The following KCTD3 variants were observed in gnomAD, a reference collection of about 807,000 sequenced individuals.
The protein encoded by KCTD3 is BTB/POZ domain-containing protein KCTD3.
In KCTD3, 41 loss-of-function variants were observed where a neutral mutation model predicts 85.8. The ratio of observed to expected loss-of-function variants is 0.48; its 90% CI spans 0.37 to 0.62. The LOEUF is 0.62. KCTD3 is among the 20% of genes least tolerant of loss of function. The pLI is 0.00. For missense variants in KCTD3, 724 were observed against 989.9 expected (o/e 0.73, Z 3.60); for synonymous variants, 338 against 345.4 (o/e 0.98, Z 0.24).
intron 9 of KCTD3, among the ~76,000 whole-genome samples, chr1:215,590,404 G>A (rs1421826258): frequency 6.6e-6 from 1 of 152,274 alleles, no homozygotes; most frequent in South Asian, 2.1e-4. Flanking sequence ...GGTTGACACA[G>A]TTGAGGGAGG....
In KCTD3 at chr1:215,573,769, A is replaced by T; in HGVS notation, c.84-17A>T. 6.7e-7 allele frequency: 1 copy of T among 1,502,098 alleles called. No individual in the cohort carries two copies. Among genetic ancestry groups the T allele is most frequent in the East Asian group, 2.3e-5 (1 of 43,860 alleles). 93.0% of individuals were successfully genotyped at this position (1,502,098 alleles called of 1,614,324 possible). The stretch of plus-strand genomic sequence containing the variant: ...ATCATGTTCTCACTTATAATACCAG[A>T]TGATTTTTAATTGCAGATTTAGTAC... On this transcript the variant is annotated splice_polypyrimidine_tract_variant and intron_variant, in intron 1 of 17. Transcript: ENST00000259154.
At position 215,588,511 on chromosome 1, in the gene KCTD3, C is replaced by T. The variant is rs562232870; in HGVS notation, c.817+1826C>T. Among the ~76,000 whole-genome samples, 3 of 152,078 alleles carry T rather than the reference C, an allele frequency of 2.0e-5. No individual in the cohort carries two copies. The East Asian group carries it at 5.9e-4, about 30-fold the overall frequency. ...CAATGGTCACTAGTAAAGTTTAGTG[C>T]CACTGTCCTGGTTTGTGCTAAGTAA... is the stretch of plus-strand genomic sequence containing the variant. On this transcript the variant is annotated intron_variant, in intron 9 of 17. Coordinates refer to ENST00000259154, the MANE Select transcript of KCTD3 (RefSeq NM_016121.5).
intron 6 of KCTD3, 125 bp from the exon 7 acceptor site, chr1:215,578,875 C>A: frequency 2.0e-6 from 1 of 508,638 alleles, no homozygotes; most frequent in Non-Finnish European, 3.4e-6. Context: ...TAATAATTTG[C>A]TATATTGGAA....
In KCTD3 at chr1:215,621,478, G is replaced by T. The variant is rs949175683; in HGVS notation, c.*860G>T. On this transcript the variant is annotated 3_prime_UTR_variant, in exon 18 of 18. Coordinates refer to ENST00000259154, the MANE Select transcript of KCTD3 (RefSeq NM_016121.5). ...AATTAAAACACTAGTTTGTTCACTT[G>T]TAGGACTGCAGTTCTGAATTTTGGG... The T allele has an allele frequency of 1.3e-5, 2 of 151,992 alleles. No homozygotes were observed. The highest frequency in any genetic ancestry group is 1.3e-4 in the Admixed American group (2 of 15,226). 9.4% of individuals were successfully genotyped at this position (151,992 alleles called of 1,614,324 possible).
At position 215,592,998 on chromosome 1, in the gene KCTD3, T is replaced by C. The variant is rs1301033264; in HGVS notation, c.818-2358T>C. On this transcript the variant is annotated intron_variant, in intron 9 of 17. Transcript: ENST00000259154. ...TCTTTGTTGATTTCCTAGAACCTCA[T>C]CCTCCTCTGGAGTAATCGATGTTAG... 2.0e-5 allele frequency among the ~76,000 whole-genome samples: 3 copies of C among 152,316 alleles called. No individual in the cohort carries two copies. In the East Asian group the frequency reaches 5.8e-4, roughly 29 times the overall value.
intron 8 of KCTD3, among the ~76,000 whole-genome samples, chr1:215,585,549 A>G (rs1439155765): frequency 3.3e-5 from 5 of 152,146 alleles, no homozygotes; most frequent in Non-Finnish European, 7.4e-5. Flanking sequence ...CTTTTCCTTC[A>G]TCTTCTATAT....
In KCTD3 at chr1:215,608,121, T is replaced by A; in HGVS notation, c.1414T>A (p.Ser472Thr). The change falls in exon 14 of 18, where the codon TCC becomes ACC. Residue 472 changes from serine (S) to threonine (T), a missense_variant. By Grantham distance (58) the Ser-to-Thr change is moderately conservative (BLOSUM62 1). Transcript: ENST00000259154. ...STPLASFKIL[S>T]LEETESHGSY... ...TCCTTTAGCGTCATTCAAGATACTA[T>A]CCCTGGAGGAGACAGAAAGTCATGG... The A allele has an allele frequency of 6.2e-7, 1 of 1,611,952 alleles. No homozygotes were observed. Among genetic ancestry groups the A allele is most frequent in the Non-Finnish European group, 8.5e-7 (1 of 1,178,710 alleles).
At chr1:215,584,980 C>A (rs1659953889) in intron 8 of KCTD3, among the ~76,000 whole-genome samples, 2 of 152,152 alleles carry the variant, frequency 1.3e-5, no homozygotes, top group South Asian at 4.1e-4. Context: ...ACTCCAAAGT[C>A]AGCTAATTGG....
chr1:215,601,970 C>G lies in KCTD3; in HGVS notation c.1021+16C>G. 6.7e-7 allele frequency: 1 copy of G among 1,501,168 alleles called. No individual in the cohort carries two copies. The highest frequency in any genetic ancestry group is 9.2e-7 in the Non-Finnish European group (1 of 1,082,190). The allele number at this position is 1,501,168 out of a possible 1,614,324, so 93.0% of individuals were successfully genotyped here. ...TATTACATAGGTAAGTGTTCAGTCA[C>G]TTAAAATGCTCCTGCTTAATGTAAT... On this transcript the variant is annotated intron_variant, in intron 11 of 17. Transcript: ENST00000259154.
intron 8 of KCTD3, among the ~76,000 whole-genome samples, chr1:215,585,459 G>A (rs1487865676): frequency 6.6e-6 from 1 of 151,984 alleles, no homozygotes. Flanking sequence ...TTTTTATTTA[G>A]GCCCTTAGGT....
In KCTD3 at chr1:215,579,045, C is replaced by T. The variant is rs1251507088; in HGVS notation, c.443C>T (p.Ser148Phe). The T allele has an allele frequency of 6.3e-7, 1 of 1,581,644 alleles. No individual in the cohort carries two copies. The highest frequency in any genetic ancestry group is 1.9e-5 in the Admixed American group (1 of 51,794). Residue 148 changes from serine (S) to phenylalanine (F), a missense_variant, in exon 7 of 18, where the codon TCT becomes TTT. Physicochemically the swap from Ser to Phe is radical, Grantham distance 155. Coordinates refer to ENST00000259154, the MANE Select transcript of KCTD3 (RefSeq NM_016121.5). Reference protein sequence around the residue: ...KINNTVRSADSRNGLNSTEGE... With the variant: ...KINNTVRSADFRNGLNSTEGE... The stretch of plus-strand genomic sequence containing the variant: ...AACAACACAGTCAGATCTGCTGATT[C>T]TAGGAATGGTCTAAATTCTACAGAA...
chr1:215,608,075 C>T lies in KCTD3; in HGVS notation c.1368C>T (p.Ile456=). The change falls in exon 14 of 18, where the codon ATC becomes ATT. Residue 456 remains isoleucine, a synonymous_variant. Transcript: ENST00000259154. ...CAGTAACACGATTCAGAGGAATGAT[C>T]TCTACTCAGCCAGGTTCTACTCCTT... ...TWTVTRFRGM[I]STQPGSTPLA... is the part of the protein sequence containing the mutation. The T allele has an allele frequency of 6.2e-7, 1 of 1,611,984 alleles. No homozygotes were observed. The highest frequency in any genetic ancestry group is 1.1e-5 in the South Asian group (1 of 91,004).
At chr1:215,584,638 G>A (rs865953470) in intron 8 of KCTD3, among the ~76,000 whole-genome samples, 5 of 152,156 alleles carry the variant, frequency 3.3e-5, no homozygotes, top group African/African-American at 9.7e-5. Flanking sequence ...TACAGGGACC[G>A]TGTAGACAAG....
chr1:215,580,341 C>T (rs1659771401), intron 8 of KCTD3, among the ~76,000 whole-genome samples: 1 of 152,130 alleles, frequency 6.6e-6, no homozygotes, highest in African/African-American at 2.4e-5. Context: ...TGTGAGCTCC[C>T]TGATGGTCTA....
intron 3 of KCTD3, 61 bp downstream of exon 3, chr1:215,574,179 C>A (rs762821763): frequency 1.6e-5 from 15 of 938,396 alleles, no homozygotes; most frequent in Non-Finnish European, 2.3e-5. Flanking sequence ...TTGGTCCTAA[C>A]ATATAGTTAC....
chr1:215,607,359 A>C (rs1267664454), intron 13 of KCTD3, among the ~76,000 whole-genome samples: 1 of 151,974 alleles, frequency 6.6e-6, no homozygotes, highest in African/African-American at 2.4e-5. Context: ...TTTCAAATAG[A>C]GTATCTACTC....
chr1:215,582,334 A>G (rs553778238), intron 8 of KCTD3, among the ~76,000 whole-genome samples: 1 of 152,196 alleles, frequency 6.6e-6, no homozygotes, highest in South Asian at 2.1e-4. Flanking sequence ...ACTTGAGGTG[A>G]AGTATGTTCA....
At chr1:215,578,906 A>G in intron 6 of KCTD3, 94 bp from the exon 7 acceptor site, 1 of 770,514 alleles carries the variant, frequency 1.3e-6, no homozygotes, top group South Asian at 2.1e-5. Flanking sequence ...GGCTTTAATG[A>G]AATTCACATT....
intron 15 of KCTD3, among the ~76,000 whole-genome samples, chr1:215,613,469 A>G (rs1558245163): frequency 6.6e-6 from 1 of 152,124 alleles, no homozygotes; most frequent in East Asian, 1.9e-4. Flanking sequence ...CTCTGTTGAT[A>G]GTTTCTTTTG....
Sources: gnomAD v4.1 joint callset for allele counts (sites outside exome capture counted in the v4.1 genomes callset) on GRCh38, gnomAD v4.1.1 for gene constraint, MANE v1.5 for transcripts, NCBI Gene and HGNC (gene_info 2026-07-23, HGNC 2026-07-21) for gene names.